Variants in ZNF804A observed in about 807,000 individuals in gnomAD.
ZNF804A encodes zinc finger protein 804A.
ZNF804A carries 2 observed loss-of-function variants against 16.5 expected under a neutral mutation model. The ratio of observed to expected loss-of-function variants is 0.12; its 90% CI spans 0.05 to 0.38. The LOEUF (loss-of-function observed/expected upper bound fraction) is 0.38, where lower values mean the gene tolerates loss of function less well. ZNF804A is among the 10% of genes least tolerant of loss of function. The probability of loss-of-function intolerance (pLI) is 0.99; values close to 1 mark genes in which losing one functional copy is unlikely to be tolerated. For synonymous variants in ZNF804A, 534 were observed against 489.6 expected (o/e 1.09, Z -1.20); for missense variants, 1,473 against 1,390.7 (o/e 1.06, Z -0.94).
At chr2:184,611,661 C>T (rs985553049) in intron 1 of ZNF804A, among the ~76,000 whole-genome samples, 1 of 150,952 alleles carries the variant, frequency 6.6e-6, no homozygotes, top group Non-Finnish European at 1.5e-5. Flanking sequence ...AATATTTACA[C>T]TAGGGGGCGA....
chr2:184,875,948 T>A (rs533838125), intron 2 of ZNF804A, among the ~76,000 whole-genome samples: 1 of 152,192 alleles, frequency 6.6e-6, no homozygotes, highest in East Asian at 1.9e-4. Context: ...TTTGAAGAGA[T>A]AGAAAAGGGA....
intron 1 of ZNF804A, among the ~76,000 whole-genome samples, chr2:184,828,370 C>G (rs985343201): frequency 2.6e-5 from 4 of 151,750 alleles, no homozygotes; most frequent in African/African-American, 9.7e-5. Context: ...AAAGCTGATG[C>G]TGCAAGTAAA....
chr2:184,764,876 C>T (rs566531792), intron 1 of ZNF804A, among the ~76,000 whole-genome samples: 4 of 151,748 alleles, frequency 2.6e-5, no homozygotes, highest in Admixed American at 6.6e-5. Flanking sequence ...ACAATTATGA[C>T]AATCATTTAA....
intron 1 of ZNF804A, among the ~76,000 whole-genome samples, chr2:184,614,141 A>G (rs1402502331): frequency 6.6e-6 from 1 of 152,136 alleles, no homozygotes; most frequent in Non-Finnish European, 1.5e-5. Flanking sequence ...CACATCTACA[A>G]CCATCTGATC....
chr2:184,911,483 A>G (rs1191075893), intron 2 of ZNF804A, among the ~76,000 whole-genome samples: 1 of 151,924 alleles, frequency 6.6e-6, no homozygotes, highest in Non-Finnish European at 1.5e-5. Context: ...CCATTTTAGA[A>G]TAGTATTTCT....
chr2:184,620,971 T>C (rs1691408478), intron 1 of ZNF804A, among the ~76,000 whole-genome samples: 1 of 151,664 alleles, frequency 6.6e-6, no homozygotes. Flanking sequence ...TCTGTATCTT[T>C]AATTTCCTAT....
At chr2:184,844,800 T>G (rs375048734) in intron 1 of ZNF804A, among the ~76,000 whole-genome samples, 107 of 151,912 alleles carry the variant, frequency 7.0e-4, no homozygotes, top group African/African-American at 2.5e-3. Context: ...CTTCATCTAT[T>G]TCTTCTACTC....
chr2:184,791,116 T>C (rs1694532985), intron 1 of ZNF804A, among the ~76,000 whole-genome samples: 1 of 152,212 alleles, frequency 6.6e-6, no homozygotes, highest in Admixed American at 6.5e-5. Flanking sequence ...GTCTTTTATT[T>C]TTTTTATCCA....
chr2:184,762,889 C>G (rs1480043294), intron 1 of ZNF804A, among the ~76,000 whole-genome samples: 2 of 151,982 alleles, frequency 1.3e-5, no homozygotes, highest in African/African-American at 2.4e-5. Flanking sequence ...AATTTAAGAG[C>G]TTATAGTTGT....
intron 2 of ZNF804A, among the ~76,000 whole-genome samples, chr2:184,896,774 AT>A (rs1309232711): frequency 6.7e-6 from 1 of 149,900 alleles, no homozygotes; most frequent in Non-Finnish European, 1.5e-5. Flanking sequence ...ATCCTTACAT[AT>A]AAAAATAATA....
At chr2:184,688,986 G>A (rs899772377) in intron 1 of ZNF804A, among the ~76,000 whole-genome samples, 2 of 152,054 alleles carry the variant, frequency 1.3e-5, no homozygotes, top group African/African-American at 2.4e-5. Flanking sequence ...AAACAGATAT[G>A]TATCTTAATC....
At position 184,857,557 on chromosome 2, in the gene ZNF804A, C is replaced by T. The variant is rs1230179147; in HGVS notation, c.112-8812C>T. Among the ~76,000 whole-genome samples the T allele has an allele frequency of 2.0e-5, 3 of 152,082 alleles. No individual in the cohort carries two copies. In the East Asian group the frequency reaches 5.8e-4, roughly 29 times the overall value. On this transcript the variant is annotated intron_variant, in intron 1 of 3. Coordinates refer to ENST00000302277, the MANE Select transcript of ZNF804A (RefSeq NM_194250.2). ...TGATTTTCTGTCTGAATGAACTGTC[C>T]ATTGCTGGAAATGGAGCAATGAATT...
At chr2:184,793,438 T>C (rs1346466909) in intron 1 of ZNF804A, among the ~76,000 whole-genome samples, 1 of 152,150 alleles carries the variant, frequency 6.6e-6, no homozygotes, top group Non-Finnish European at 1.5e-5. Flanking sequence ...CAGCATCTGT[T>C]GTTTTGACTA....
intron 1 of ZNF804A, among the ~76,000 whole-genome samples, chr2:184,783,841 G>A (rs1694408278): frequency 6.6e-6 from 1 of 151,848 alleles, no homozygotes; most frequent in Non-Finnish European, 1.5e-5. Flanking sequence ...AGGCATGAAG[G>A]TATCCTTGTT....
At chr2:184,681,414 T>A (rs1322555951) in intron 1 of ZNF804A, among the ~76,000 whole-genome samples, 1 of 152,196 alleles carries the variant, frequency 6.6e-6, no homozygotes, top group Non-Finnish European at 1.5e-5. Flanking sequence ...CAGAAAGAGC[T>A]GATATCAAAG....
intron 2 of ZNF804A, among the ~76,000 whole-genome samples, chr2:184,896,366 A>G (rs1030364337): frequency 6.6e-6 from 1 of 150,520 alleles, no homozygotes; most frequent in East Asian, 1.9e-4. Flanking sequence ...TTCATGTTAT[A>G]CTCAGATAGG....
intron 1 of ZNF804A, among the ~76,000 whole-genome samples, chr2:184,817,015 TTG>T (rs1162775354): frequency 3.9e-5 from 6 of 151,982 alleles, no homozygotes; most frequent in African/African-American, 1.4e-4. Context: ...TTATTAATAT[TTG>T]TAGTTAAAAG....
At chr2:184,799,418 T>C (rs142658197) in intron 1 of ZNF804A, among the ~76,000 whole-genome samples, 1 of 152,246 alleles carries the variant, frequency 6.6e-6, no homozygotes, top group Non-Finnish European at 1.5e-5. Flanking sequence ...TTTTGCATTA[T>C]GTACCTGAAA....
intron 1 of ZNF804A, among the ~76,000 whole-genome samples, chr2:184,808,487 C>T (rs72903778): frequency 0.05 from 7,623 of 151,328 alleles, 249 homozygotes; most frequent in Middle Eastern, 0.077. Context: ...ATATTGAAAG[C>T]GAGATACAGA....
Sources: allele counts gnomAD v4.1 joint callset (sites outside exome capture counted in the v4.1 genomes callset), GRCh38; gene constraint gnomAD v4.1.1; transcripts MANE v1.5; gene names NCBI Gene and HGNC (gene_info 2026-07-23, HGNC 2026-07-21).